Variants in COPS2 observed in about 807,000 individuals in gnomAD.
The protein encoded by COPS2 is COP9 signalosome subunit 2, also known as COP9 signalosome complex subunit 2.
A neutral mutation model predicts 66.1 loss-of-function variants in COPS2; 10 were observed. The ratio of observed to expected loss-of-function variants is 0.15; its 90% CI spans 0.09 to 0.26. The LOEUF is 0.26. Ranked by LOEUF, COPS2 falls within the 10% of genes least tolerant of loss-of-function variation. The pLI is 1.00. For missense variants in COPS2, 215 were observed against 513.3 expected (o/e 0.42, Z 5.62); for synonymous variants, 179 against 171.3 (o/e 1.04, Z -0.35).
At chr15:49,144,128 A>T in intron 3 of COPS2, 99 bp downstream of exon 3, 1 of 797,466 alleles carries the variant, frequency 1.3e-6, no homozygotes, top group Non-Finnish European at 2.1e-6. Flanking sequence ...AACACATCCA[A>T]AGAAGTACTT....
chr15:49,151,529 G>A (rs777644838), intron 1 of COPS2, among the ~76,000 whole-genome samples: 6 of 151,948 alleles, frequency 3.9e-5, no homozygotes, highest in Non-Finnish European at 8.8e-5. Flanking sequence ...GAAGTTTCAC[G>A]GTAGAACGAT....
chr15:49,129,341 A>C (rs897991345), intron 11 of COPS2, 136 bp downstream of exon 11: 5 of 402,112 alleles, frequency 1.2e-5, no homozygotes, highest in African/African-American at 1.1e-4. Context: ...TAAAGCCCTT[A>C]AGTTATGTTT....
At chr15:49,155,245 T>G (rs2084414043) in intron 1 of COPS2, among the ~76,000 whole-genome samples, 2 of 152,254 alleles carry the variant, frequency 1.3e-5, no homozygotes, top group Non-Finnish European at 2.9e-5. Flanking sequence ...ACCGAACGCC[T>G]GGGACCAGGG....
chr15:49,129,199 G>A (rs1157658917), intron 11 of COPS2, among the ~76,000 whole-genome samples: 1 of 152,000 alleles, frequency 6.6e-6, no homozygotes, highest in Non-Finnish European at 1.5e-5. Context: ...GGAGGCTGAG[G>A]TAGGAGGACT....
chr15:49,151,552 T>C (rs2084361818), intron 1 of COPS2, among the ~76,000 whole-genome samples: 2 of 152,172 alleles, frequency 1.3e-5, no homozygotes, highest in Admixed American at 6.5e-5. Flanking sequence ...GACTGCGGAA[T>C]TAAAACAGTT....
At chr15:49,135,826 A>C (rs1167737342) in intron 6 of COPS2, among the ~76,000 whole-genome samples, 3 of 152,228 alleles carry the variant, frequency 2.0e-5, no homozygotes, top group Non-Finnish European at 4.4e-5. Context: ...TACTTCCATC[A>C]AAGTACTAAG....
At chr15:49,155,470 G>T in intron 1 of COPS2, 55 bp downstream of exon 1, 1 of 1,579,450 alleles carries the variant, frequency 6.3e-7, no homozygotes, top group Non-Finnish European at 8.7e-7. Flanking sequence ...CCCCGGCCCG[G>T]ACCCCGAAAA....
intron 9 of COPS2, among the ~76,000 whole-genome samples, chr15:49,133,518 C>T (rs371142968): frequency 1.1e-4 from 17 of 151,850 alleles, no homozygotes; most frequent in African/African-American, 3.6e-4. Context: ...TTCGTGCGTG[C>T]GCAGACAGAC....
chr15:49,127,888 T>A lies in COPS2; in HGVS notation c.*62A>T, dbSNP rs1456218956. 2.1e-5 allele frequency: 32 copies of A among 1,513,676 alleles called. 1 individual carries two copies. In the South Asian group the frequency reaches 4.2e-4, roughly 20 times the overall value. 93.8% of individuals were successfully genotyped at this position (1,513,676 alleles called of 1,614,324 possible). On this transcript the variant is annotated 3_prime_UTR_variant, in exon 13 of 13. Transcript: ENST00000388901. ...CGACAGTAGTTTTGCCATTCCCAGT[T>A]CTTTTAAGGATTACATCTCTGCACT...
At chr15:49,140,063 C>T (rs921727426) in intron 3 of COPS2, among the ~76,000 whole-genome samples, 1 of 152,008 alleles carries the variant, frequency 6.6e-6, no homozygotes, top group Non-Finnish European at 1.5e-5. Flanking sequence ...CTTGACTCAC[C>T]GCAACCTCCG....
chr15:49,141,756 A>G (rs1286777101), intron 3 of COPS2, among the ~76,000 whole-genome samples: 2 of 152,180 alleles, frequency 1.3e-5, no homozygotes. Context: ...ACCATAACTT[A>G]TTCACAGATG....
At chr15:49,147,824 C>G (rs763998618) in intron 1 of COPS2, among the ~76,000 whole-genome samples, 1 of 151,130 alleles carries the variant, frequency 6.6e-6, no homozygotes, top group Non-Finnish European at 1.5e-5. Flanking sequence ...TCATATCATA[C>G]GGATTAAGAA....
Position 49,132,267 on chromosome 15 carries a change from ATAAAG to A in COPS2, c.948-1456_948-1452del, listed in dbSNP as rs138869349. Among the ~76,000 whole-genome samples, 419 of 152,220 alleles carry A rather than the reference ATAAAG, an allele frequency of 2.8e-3. 1 individual carries two copies. Among genetic ancestry groups the A allele is most frequent in the African/African-American group, 9.8e-3 (408 of 41,566 alleles). ...AACCTAATTCAACAAATAAATTAAA[ATAAAG>A]TAAACAATAAAGAAACTGATTTAAT... On this transcript the variant is annotated intron_variant, in intron 9 of 12. Transcript: ENST00000388901.
intron 7 of COPS2, 56 bp downstream of exon 7, chr15:49,134,284 T>C (rs2084235418): frequency 1.3e-6 from 2 of 1,552,314 alleles, no homozygotes; most frequent in Non-Finnish European, 1.7e-6. Context: ...AAGAGTTTAA[T>C]TAAACACTTT....
chr15:49,131,238 A>G (rs1331715511), intron 9 of COPS2, among the ~76,000 whole-genome samples: 1 of 152,112 alleles, frequency 6.6e-6, no homozygotes, highest in Non-Finnish European at 1.5e-5. Context: ...GAAGGGGTGT[A>G]GCCTCGTCTT....
At position 49,145,060 on chromosome 15, in the gene COPS2, T is replaced by C; in HGVS notation, c.73A>G (p.Asn25Asp). Residue 25 changes from asparagine (N) to aspartate (D), a missense_variant, in exon 2 of 13, where the codon AAC (asparagine) becomes GAC (aspartate). By Grantham distance (23) the Asn-to-Asp change is conservative. Around this residue, in one of 5 missense-constraint regions of COPS2, gnomAD observed 90 missense variants for 225.1 expected, o/e 0.40. Transcript: ENST00000388901. Reference protein sequence around the residue: ...DYDLEYSEDSNSEPNVDLENQ... With the variant: ...DYDLEYSEDSDSEPNVDLENQ... ...TCCAAATCCACATTTGGCTCGGAGT[T>C]ACTATCTTCAGAGTATTCCTGTGTT... 2 of 1,577,950 alleles carry C rather than the reference T, an allele frequency of 1.3e-6. No homozygotes were observed. Among genetic ancestry groups the C allele is most frequent in the Non-Finnish European group, 1.7e-6 (2 of 1,156,046 alleles).
chr15:49,141,905 G>A (rs993821723), intron 3 of COPS2, among the ~76,000 whole-genome samples: 2 of 152,166 alleles, frequency 1.3e-5, no homozygotes, highest in African/African-American at 2.4e-5. Flanking sequence ...AAATGGACTC[G>A]AAACCACTGC....
At chr15:49,132,409 T>C (rs1368291056) in intron 9 of COPS2, among the ~76,000 whole-genome samples, 1 of 151,518 alleles carries the variant, frequency 6.6e-6, no homozygotes, top group African/African-American at 2.4e-5. Flanking sequence ...AATGAGGACA[T>C]TTTACACAGG....
chr15:49,142,676 T>C (rs569306417), intron 3 of COPS2, among the ~76,000 whole-genome samples: 1 of 152,358 alleles, frequency 6.6e-6, no homozygotes, highest in East Asian at 1.9e-4. Context: ...TTCATGTTTG[T>C]ACCTAGTCCT....
Sources: allele counts gnomAD v4.1 joint callset (sites outside exome capture counted in the v4.1 genomes callset), GRCh38; gene constraint gnomAD v4.1.1; regional missense constraint gnomAD v4.1.1; transcripts MANE v1.5; gene names NCBI Gene and HGNC (gene_info 2026-07-23, HGNC 2026-07-21).